The following VDAC1 variants were observed in gnomAD, a reference collection of about 807,000 sequenced individuals.
The protein encoded by VDAC1 is non-selective voltage-gated ion channel VDAC1.
VDAC1 carries 10 observed loss-of-function variants against 34.7 expected under a neutral mutation model. The ratio of observed to expected loss-of-function variants is 0.29; its 90% confidence interval spans 0.18 to 0.49. The LOEUF (loss-of-function observed/expected upper bound fraction) is 0.49. Among genes scored for constraint, VDAC1 ranks in the 20% least tolerant of loss-of-function variants. The probability of loss-of-function intolerance (pLI) is 0.99; values close to 1 mark genes in which losing one functional copy is unlikely to be tolerated. For synonymous variants in VDAC1, 130 were observed against 136.0 expected, an observed-to-expected ratio of 0.96 and a Z score of 0.30; for missense variants, 230 against 347.9, an observed-to-expected ratio of 0.66 and a Z score of 2.69.
At chr5:134,074,267 C>T in the VDAC1 span, among the ~76,000 whole-genome samples, 1 of 151,550 alleles carries the variant, frequency 6.6e-6, no homozygotes, top group Non-Finnish European at 1.5e-5. Flanking sequence ...AGCCAAGATC[C>T]TGCCATTACA....
chr5:134,056,389 G>C, the VDAC1 span, among the ~76,000 whole-genome samples: 5 of 151,096 alleles, frequency 3.3e-5, no homozygotes, highest in African/African-American at 1.2e-4. Flanking sequence ...CATTAAGGCT[G>C]TTGCCTTTTT....
At chr5:134,056,165 G>A in the VDAC1 span, among the ~76,000 whole-genome samples, 2 of 150,730 alleles carry the variant, frequency 1.3e-5, no homozygotes, top group South Asian at 2.1e-4. Flanking sequence ...TGCTTGAACC[G>A]GGGAGGCAGA....
At position 133,987,404 on chromosome 5, in the gene VDAC1, G is replaced by A. The variant is rs540568207; in HGVS notation, c.323+3451C>T. Among the ~76,000 whole-genome samples the A allele has an allele frequency of 9.9e-5, 15 of 152,160 alleles. No homozygotes were observed. The Middle Eastern group carries it at 0.01, about 104-fold the overall frequency. On this transcript the variant is annotated intron_variant, in intron 5 of 8. Transcript: ENST00000265333. The stretch of plus-strand genomic sequence containing the variant: ...AGAAAATCACCATTTGTAGCCAGGC[G>A]TGGTGGCTCACACCTGTAATCCCAA...
At chr5:133,975,727 G>A in intron 7 of VDAC1, 144 bp downstream of exon 7, 1 of 1,291,718 alleles carries the variant, frequency 7.7e-7, no homozygotes, top group South Asian at 1.4e-5. Flanking sequence ...CCAAAGTGCA[G>A]GGATTACAGG....
At chr5:134,057,942 G>A in the VDAC1 span, among the ~76,000 whole-genome samples, 1 of 152,124 alleles carries the variant, frequency 6.6e-6, no homozygotes, top group African/African-American at 2.4e-5. Context: ...TGTCACCCAG[G>A]CTGGAGTGCA....
chr5:134,055,423 T>G, the VDAC1 span, among the ~76,000 whole-genome samples: 1 of 151,788 alleles, frequency 6.6e-6, no homozygotes, highest in African/African-American at 2.4e-5. Context: ...GTTTGTTTGT[T>G]TGTTTGTTTG....
At chr5:133,983,235 T>A (rs1245872269) in intron 5 of VDAC1, among the ~76,000 whole-genome samples, 1 of 145,870 alleles carries the variant, frequency 6.9e-6, no homozygotes, top group Non-Finnish European at 1.5e-5. Context: ...GCAACAAGAG[T>A]GAAACTCCAT....
At chr5:134,032,124 C>CAAAAAATAAAAA in the VDAC1 span, among the ~76,000 whole-genome samples, 1 of 36,132 alleles carries the variant, frequency 2.8e-5, no homozygotes, top group Non-Finnish European at 4.8e-5. Flanking sequence ...CTCTGCCTCA[C>CAAAAAATAAAAA]AAAAAAAAAA....
chr5:134,072,053 AAGGGG>A, the VDAC1 span, among the ~76,000 whole-genome samples: 3 of 152,098 alleles, frequency 2.0e-5, no homozygotes, highest in Non-Finnish European at 4.4e-5. Context: ...CAGCGATGCA[AAGGGG>A]TTCTCAAGTA....
At chr5:134,059,481 T>C in the VDAC1 span, among the ~76,000 whole-genome samples, 1 of 152,116 alleles carries the variant, frequency 6.6e-6, no homozygotes, top group Non-Finnish European at 1.5e-5. Context: ...CTCTGCCCTC[T>C]AAGACATCCC....
intron 7 of VDAC1, among the ~76,000 whole-genome samples, chr5:133,974,355 G>C (rs1385097101): frequency 1.3e-5 from 2 of 152,172 alleles, no homozygotes; most frequent in Non-Finnish European, 2.9e-5. Context: ...CTGTGTAGTA[G>C]TTCGAGGGCC....
At chr5:134,060,260 G>A in the VDAC1 span, among the ~76,000 whole-genome samples, 2 of 151,916 alleles carry the variant, frequency 1.3e-5, no homozygotes, top group Admixed American at 6.6e-5. Context: ...CAGCTACCAC[G>A]TTGATGCGCT....
chr5:134,006,236 C>G (rs937798057), upstream of VDAC1, among the ~76,000 whole-genome samples: 1 of 152,180 alleles, frequency 6.6e-6, no homozygotes, highest in African/African-American at 2.4e-5. Context: ...TGCCTGGGAA[C>G]TCTGGGCTTC....
At chr5:133,993,756 C>T (rs115219718) in intron 1 of VDAC1, among the ~76,000 whole-genome samples, 1 of 152,326 alleles carries the variant, frequency 6.6e-6, no homozygotes, top group Non-Finnish European at 1.5e-5. Flanking sequence ...TGCTGCATAT[C>T]ACTAAGTCAA....
At chr5:134,051,170 CA>C in the VDAC1 span, among the ~76,000 whole-genome samples, 1 of 152,220 alleles carries the variant, frequency 6.6e-6, no homozygotes, top group Non-Finnish European at 1.5e-5. Context: ...ACTGTACAGA[CA>C]GTGAGATGGA....
rs538068467 is a variant in VDAC1, at chr5:133,994,888, G to T, written c.-6-1870C>A. Among the ~76,000 whole-genome samples the T allele has an allele frequency of 1.3e-3, 194 of 152,154 alleles. 9 individuals are homozygous for T. In the South Asian group the frequency reaches 0.038, roughly 30 times the overall value. On this transcript the variant is annotated intron_variant, in intron 1 of 8. Coordinates refer to ENST00000265333, the MANE Select transcript of VDAC1 (RefSeq NM_003374.3). ...AGCAGTCCAGTGGTAATATCTGTGG[G>T]TCACCTAAGACCTCCCTGGACCTTA...
chr5:134,057,491 ATTT>A, the VDAC1 span, among the ~76,000 whole-genome samples: 1 of 118,894 alleles, frequency 8.4e-6, no homozygotes, highest in East Asian at 2.3e-4. Flanking sequence ...AAAAAAAAAA[ATTT>A]ATATCTATAT....
the VDAC1 span, among the ~76,000 whole-genome samples, chr5:134,071,245 C>T: frequency 2.6e-5 from 4 of 152,272 alleles, no homozygotes; most frequent in Admixed American, 1.3e-4. This position sits in a 1 kb window ranked among gnomAD's most constrained non-coding sequence, Gnocchi z 4.1. Flanking sequence ...TCAGCCACTG[C>T]CAAGGTGCGG....
chr5:134,000,712 T>C (rs1219903774), intron 1 of VDAC1, among the ~76,000 whole-genome samples: 1 of 110 alleles, frequency 9.1e-3, no homozygotes, highest in African/African-American at 0.045. Context: ...AAAGAGAGCC[T>C]GGATGGCGTC....
Sources: gnomAD v4.1 joint callset for allele counts (sites outside exome capture counted in the v4.1 genomes callset) on GRCh38, gnomAD v4.1.1 for gene constraint, Gnocchi (gnomAD v3.1) non-coding constraint, MANE v1.5 for transcripts, NCBI Gene and HGNC (gene_info 2026-07-23, HGNC 2026-07-21) for gene names.